The following EYS variants were observed in gnomAD, a reference collection of about 807,000 sequenced individuals.
EYS encodes the protein protein eyes shut homolog.
In EYS, 250 loss-of-function variants were observed where a neutral mutation model predicts 282.1. That is an observed-to-expected ratio of 0.89 (90% confidence interval 0.80 to 0.98). The LOEUF is 0.98. Ranked by LOEUF, EYS falls within the 50% of genes least tolerant of loss-of-function variation. The pLI is 0.00. For synonymous variants in EYS, 1,355 were observed against 1,282.9 expected (o/e 1.06, Z -1.20); for missense variants, 4,016 against 3,709.0 (o/e 1.08, Z -2.15).
intron 13 of EYS, among the ~76,000 whole-genome samples, chr6:65,050,372 A>G (rs1342096352): frequency 6.6e-6 from 1 of 151,680 alleles, no homozygotes; most frequent in South Asian, 2.1e-4. Flanking sequence ...CAAATGAAAG[A>G]CAAAATTAAC....
At chr6:65,217,226 A>G (rs1173216500) in intron 12 of EYS, among the ~76,000 whole-genome samples, 1 of 152,110 alleles carries the variant, frequency 6.6e-6, no homozygotes, top group African/African-American at 2.4e-5. Context: ...AACTCAATGT[A>G]TCATTTTAAA....
At chr6:63,846,319 G>T (rs1181208732) in intron 36 of EYS, among the ~76,000 whole-genome samples, 2 of 152,020 alleles carry the variant, frequency 1.3e-5, no homozygotes, top group East Asian at 3.9e-4. Flanking sequence ...GCATGTTAAG[G>T]CATCCACCTG....
rs551260937 is a variant in EYS at position 64,949,228 on chromosome 6, T to A, written c.2260-3314A>T. ...TTGTCTCACAGTTTCAATAAGTCAG[T>A]GTACAAGAGTCAGTCACCTAAATCC... is the stretch of plus-strand genomic sequence containing the variant. On this transcript the variant is annotated intron_variant, in intron 14 of 42. Transcript: ENST00000503581. Among the ~76,000 whole-genome samples the A allele has an allele frequency of 2.6e-5, 4 of 152,054 alleles. No individual in the cohort carries two copies. The South Asian group carries it at 8.3e-4, about 32-fold the overall frequency.
At chr6:64,940,797 C>A (rs1302284604) in intron 15 of EYS, among the ~76,000 whole-genome samples, 2 of 151,920 alleles carry the variant, frequency 1.3e-5, no homozygotes, top group East Asian at 1.9e-4. Context: ...CAGTCTGCAC[C>A]TTATAACCCA....
At chr6:64,895,886 G>C (rs1483097611) in intron 18 of EYS, among the ~76,000 whole-genome samples, 1 of 151,810 alleles carries the variant, frequency 6.6e-6, no homozygotes, top group Non-Finnish European at 1.5e-5. Context: ...AGGAAATATA[G>C]GGAAAAAATC....
chr6:65,246,770 C>CT (rs1767191067), intron 12 of EYS, among the ~76,000 whole-genome samples: 1 of 152,028 alleles, frequency 6.6e-6, no homozygotes, highest in Admixed American at 6.6e-5. Flanking sequence ...CAATCAAAAA[C>CT]TTTTAAAACA....
chr6:64,765,355 A>G (rs1773289952), intron 22 of EYS, among the ~76,000 whole-genome samples: 1 of 152,208 alleles, frequency 6.6e-6, no homozygotes, highest in Non-Finnish European at 1.5e-5. Flanking sequence ...GGTCAAAGCC[A>G]TGCCACAAGA....
intron 30 of EYS, among the ~76,000 whole-genome samples, chr6:64,260,191 A>C (rs887129024): frequency 1.2e-4 from 18 of 152,018 alleles, no homozygotes; most frequent in Non-Finnish European, 5.9e-5. Flanking sequence ...CAATGCAGCT[A>C]GGATTGCTGG....
rs182527512 is a variant in EYS at position 65,182,071 on chromosome 6, G to C, written c.2023+113792C>G. Among the ~76,000 whole-genome samples the C allele has an allele frequency of 1.1e-3, 166 of 151,988 alleles. 1 individual carries two copies. Among genetic ancestry groups the C allele is most frequent in the African/African-American group, 3.7e-3 (155 of 41,464 alleles). On this transcript the variant is annotated intron_variant, in intron 12 of 42. Coordinates refer to ENST00000503581, the MANE Select transcript of EYS (RefSeq NM_001142800.2). ...CGGGGCCTGTTTTGGGTAGGGGTAG[G>C]GGGGAGGGATAGCATTAGGAGATAT...
intron 22 of EYS, among the ~76,000 whole-genome samples, chr6:64,762,670 AACACACACACATGCAC>A (rs994717386): frequency 5.3e-5 from 8 of 151,500 alleles, no homozygotes; most frequent in African/African-American, 1.9e-4. Context: ...GGAGAATGTA[AACACACACACATGCAC>A]ACACACACAC....
At chr6:65,089,338 C>G (rs1172774233) in intron 12 of EYS, among the ~76,000 whole-genome samples, 1 of 152,186 alleles carries the variant, frequency 6.6e-6, no homozygotes, top group East Asian at 1.9e-4. Flanking sequence ...AGAAGTGGAG[C>G]TGCCCAAGGC....
intron 31 of EYS, among the ~76,000 whole-genome samples, chr6:64,213,289 A>AC (rs397753345): frequency 6.6e-6 from 1 of 151,966 alleles, no homozygotes; most frequent in African/African-American, 2.4e-5. Flanking sequence ...ATATAAAAAA[A>AC]CCTTTCTAAA....
At chr6:65,166,623 G>A (rs1262997126) in intron 12 of EYS, among the ~76,000 whole-genome samples, 1 of 151,144 alleles carries the variant, frequency 6.6e-6, no homozygotes, top group Non-Finnish European at 1.5e-5. Context: ...ACTTTTAGAA[G>A]CAAATCTATG....
chr6:65,232,681 TTC>T (rs1176416080), intron 12 of EYS, among the ~76,000 whole-genome samples: 2 of 152,086 alleles, frequency 1.3e-5, no homozygotes, highest in Non-Finnish European at 2.9e-5. Context: ...TTGATTTAGC[TTC>T]TGTTTTTACC....
chr6:64,883,030 T>TA (rs1393005741), intron 19 of EYS, among the ~76,000 whole-genome samples: 2 of 151,528 alleles, frequency 1.3e-5, no homozygotes, highest in African/African-American at 4.8e-5. Flanking sequence ...TGCAATAGGA[T>TA]AAATGGGGTA....
At chr6:64,618,501 C>G (rs1328427546) in intron 23 of EYS, among the ~76,000 whole-genome samples, 1 of 152,164 alleles carries the variant, frequency 6.6e-6, no homozygotes, top group Admixed American at 6.5e-5. Context: ...AGCATTTAAT[C>G]TGAACCCTGG....
At chr6:64,945,684 G>A (rs1214173209) in intron 15 of EYS, 109 bp downstream of exon 15, 2 of 1,020,316 alleles carry the variant, frequency 2.0e-6, no homozygotes, top group African/African-American at 1.6e-5. Flanking sequence ...ATTGCTGGAT[G>A]GTTATTTTAA....
At chr6:65,228,165 A>G (rs900313230) in intron 12 of EYS, among the ~76,000 whole-genome samples, 5 of 152,106 alleles carry the variant, frequency 3.3e-5, no homozygotes, top group African/African-American at 1.2e-4. Context: ...AAGGATATCC[A>G]CTTTCTCCAT....
chr6:64,570,121 A>G (rs1765679810), intron 26 of EYS, among the ~76,000 whole-genome samples: 1 of 152,236 alleles, frequency 6.6e-6, no homozygotes, highest in Non-Finnish European at 1.5e-5. Context: ...AAGCCAGAAG[A>G]GAGTGGGGGC....
Sources: gnomAD v4.1 joint callset for allele counts (sites outside exome capture counted in the v4.1 genomes callset) on GRCh38, gnomAD v4.1.1 for gene constraint, MANE v1.5 for transcripts, NCBI Gene and HGNC (gene_info 2026-07-23, HGNC 2026-07-21) for gene names.